Variants in CACNB4 observed in about 807,000 individuals in gnomAD.
CACNB4 encodes the protein calcium voltage-gated channel auxiliary subunit beta 4.
CACNB4 carries 32 observed loss-of-function variants against 71.2 expected under a neutral mutation model. That is an observed-to-expected ratio of 0.45 (90% CI 0.34 to 0.60). CACNB4 has a LOEUF of 0.60. Among genes scored for constraint, CACNB4 ranks in the 20% least tolerant of loss-of-function variants. The pLI is 0.01. For missense variants in CACNB4, 464 were observed against 647.9 expected (o/e 0.72, Z 3.08); for synonymous variants, 231 against 236.9 (o/e 0.97, Z 0.23).
chr2:152,006,401 C>CTTTT (rs60046879), intron 2 of CACNB4, among the ~76,000 whole-genome samples: 10 of 138,556 alleles, frequency 7.2e-5, no homozygotes, highest in Non-Finnish European at 1.2e-4. Context: ...TCTTTTCTTT[C>CTTTT]TTTTTTTTTT....
chr2:152,068,515 CA>C (rs1168619263), intron 2 of CACNB4, among the ~76,000 whole-genome samples: 4 of 152,186 alleles, frequency 2.6e-5, no homozygotes, highest in African/African-American at 9.6e-5. Context: ...GGTTTTAGAC[CA>C]GGGGCTACAA....
Position 151,833,897 on chromosome 2 carries a change from A to T in CACNB4, c.*5222T>A, listed in dbSNP as rs1457883991. 2 of 152,090 alleles carry T rather than the reference A, an allele frequency of 1.3e-5. No homozygotes were observed. The highest frequency in any genetic ancestry group is 2.9e-5 in the Non-Finnish European group (2 of 67,930). The allele number at this position is 152,090 out of a possible 1,614,324, so 9.4% of individuals were successfully genotyped here. ...ATGCAGATTATAAGTAACAACATAG[A>T]TTTATTTTGGCAATAAAATGCTTTC... is the stretch of plus-strand genomic sequence containing the variant. On this transcript the variant is annotated 3_prime_UTR_variant, in exon 14 of 14. Coordinates refer to ENST00000539935, the MANE Select transcript of CACNB4 (RefSeq NM_000726.5).
intron 2 of CACNB4, among the ~76,000 whole-genome samples, chr2:151,920,995 G>A (rs1222858545): frequency 1.3e-5 from 2 of 151,928 alleles, no homozygotes; most frequent in Non-Finnish European, 2.9e-5. Flanking sequence ...AAAGAAATTA[G>A]CTGGGCATGG....
At chr2:152,071,587 T>C (rs1686693283) in intron 2 of CACNB4, among the ~76,000 whole-genome samples, 1 of 152,220 alleles carries the variant, frequency 6.6e-6, no homozygotes, top group South Asian at 2.1e-4. Context: ...CATTAAAAAC[T>C]AGTCAAGGGA....
chr2:151,925,395 C>T (rs1288826002), intron 2 of CACNB4, among the ~76,000 whole-genome samples: 1 of 152,070 alleles, frequency 6.6e-6, no homozygotes, highest in African/African-American at 2.4e-5. Context: ...AAAGTAAGGT[C>T]CTAAAGTTGA....
chr2:151,904,972 A>C (rs971136935), intron 2 of CACNB4, among the ~76,000 whole-genome samples: 1 of 152,222 alleles, frequency 6.6e-6, no homozygotes. Context: ...CTGAAATGTA[A>C]TGCATAGTTT....
At chr2:152,078,584 T>C (rs1191785932) in intron 2 of CACNB4, among the ~76,000 whole-genome samples, 2 of 152,202 alleles carry the variant, frequency 1.3e-5, no homozygotes, top group Non-Finnish European at 2.9e-5. Context: ...CATGACAAAG[T>C]TCAGGCCAAT....
intron 2 of CACNB4, among the ~76,000 whole-genome samples, chr2:152,055,061 C>A (rs1010007446): frequency 4.6e-5 from 7 of 152,160 alleles, no homozygotes; most frequent in African/African-American, 1.7e-4. Flanking sequence ...ACCCAAGCTG[C>A]AATGCAGTGG....
At chr2:151,967,387 C>T (rs1286460561) in intron 2 of CACNB4, 1 of 151,994 alleles carries the variant, frequency 6.6e-6, no homozygotes, top group East Asian at 1.9e-4. Flanking sequence ...CACTATTATA[C>T]TACAACATTT....
At chr2:151,880,666 G>T (rs1341695245) in intron 4 of CACNB4, 134 bp downstream of exon 4, 2 of 830,960 alleles carry the variant, frequency 2.4e-6, no homozygotes, top group Non-Finnish European at 3.8e-6. Flanking sequence ...GACTAGATTT[G>T]GGAGGCTCAG....
chr2:151,853,346 C>T, intron 12 of CACNB4, 102 bp downstream of exon 12: 1 of 663,270 alleles, frequency 1.5e-6, no homozygotes, highest in Non-Finnish European at 2.6e-6. Flanking sequence ...AACATACCAT[C>T]ATCACCATCA....
At chr2:152,014,539 T>G (rs1205412865) in intron 2 of CACNB4, among the ~76,000 whole-genome samples, 2 of 152,036 alleles carry the variant, frequency 1.3e-5, no homozygotes, top group African/African-American at 4.8e-5. Context: ...GAGACCAGCC[T>G]GGCCAACATG....
At chr2:151,842,624 C>T (rs1003820628) in intron 12 of CACNB4, among the ~76,000 whole-genome samples, 6 of 152,024 alleles carry the variant, frequency 3.9e-5, no homozygotes, top group Admixed American at 3.3e-4. Context: ...TGAGCCACAG[C>T]GCCCAGCCGG....
chr2:152,085,088 G>A (rs1039742991), intron 2 of CACNB4, among the ~76,000 whole-genome samples: 47 of 152,284 alleles, frequency 3.1e-4, no homozygotes, highest in African/African-American at 1.1e-3. Flanking sequence ...ATTTTGACAA[G>A]TGGGAAGATT....
intron 2 of CACNB4, among the ~76,000 whole-genome samples, chr2:152,097,822 A>G (rs1423352619): frequency 6.6e-6 from 1 of 152,226 alleles, no homozygotes; most frequent in East Asian, 1.9e-4. Flanking sequence ...AAGTGAGAGT[A>G]AACTTTCTGC....
chr2:151,895,999 G>A (rs758424540), intron 2 of CACNB4, among the ~76,000 whole-genome samples: 8 of 151,984 alleles, frequency 5.3e-5, no homozygotes, highest in Non-Finnish European at 1.0e-4. Context: ...TGCATGCCAT[G>A]ATATCCAGCT....
At chr2:151,863,532 T>C (rs2099842295) in intron 9 of CACNB4, among the ~76,000 whole-genome samples, 1 of 152,228 alleles carries the variant, frequency 6.6e-6, no homozygotes, top group African/African-American at 2.4e-5. Flanking sequence ...TTTGGACTAA[T>C]GATGTTTGGA....
intron 2 of CACNB4, among the ~76,000 whole-genome samples, chr2:152,084,240 C>A (rs1173958844): frequency 6.6e-6 from 1 of 152,120 alleles, no homozygotes; most frequent in Non-Finnish European, 1.5e-5. Context: ...ACACTGGGCA[C>A]AAGAAGAGTC....
At chr2:152,067,396 G>T (rs988880688) in intron 2 of CACNB4, among the ~76,000 whole-genome samples, 1 of 150,694 alleles carries the variant, frequency 6.6e-6, no homozygotes, top group African/African-American at 2.5e-5. Context: ...TGTGGGGGGG[G>T]GGGTGCCTCT....
Sources: allele counts gnomAD v4.1 joint callset (sites outside exome capture counted in the v4.1 genomes callset), GRCh38; gene constraint gnomAD v4.1.1; transcripts MANE v1.5; gene names NCBI Gene and HGNC (gene_info 2026-07-23, HGNC 2026-07-21).